Variants in ATP8A2 observed in about 807,000 individuals in gnomAD.
ATP8A2 encodes the protein ATPase phospholipid transporting 8A2, also known as phospholipid-transporting ATPase IB.
ATP8A2 carries 100 observed loss-of-function variants against 165.6 expected under a neutral mutation model. That is an observed-to-expected ratio of 0.60 (90% confidence interval 0.51 to 0.71). The LOEUF (loss-of-function observed/expected upper bound fraction) is 0.71, where lower values mean the gene tolerates loss of function less well. ATP8A2 is among the 30% of genes least tolerant of loss of function. ATP8A2 has a pLI of 0.00. For synonymous variants in ATP8A2, 543 were observed against 548.8 expected (o/e 0.99, Z 0.15); for missense variants, 1,227 against 1,479.5 (o/e 0.83, Z 2.80).
chr13:25,605,099 A>C (rs1480359308), intron 24 of ATP8A2, among the ~76,000 whole-genome samples: 1 of 152,230 alleles, frequency 6.6e-6, no homozygotes, highest in African/African-American at 2.4e-5. Context: ...CTTTGTTGTG[A>C]CAATGGAGTC....
intron 36 of ATP8A2, among the ~76,000 whole-genome samples, chr13:26,013,144 C>A (rs373638430): frequency 1.3e-5 from 2 of 151,256 alleles, no homozygotes; most frequent in South Asian, 4.2e-4. Flanking sequence ...GACTTTGGAG[C>A]TCAGGGGGAG....
intron 33 of ATP8A2, among the ~76,000 whole-genome samples, chr13:25,912,565 G>A (rs770588709): frequency 2.0e-5 from 3 of 152,192 alleles, no homozygotes; most frequent in African/African-American, 4.8e-5. Context: ...AAAAAGATGC[G>A]TATTTGATGT....
intron 35 of ATP8A2, among the ~76,000 whole-genome samples, chr13:25,985,833 A>G (rs896808484): frequency 6.6e-6 from 1 of 152,196 alleles, no homozygotes; most frequent in Admixed American, 6.5e-5. Flanking sequence ...GTTGGTTTAG[A>G]CTTGGATTAC....
intron 27 of ATP8A2, among the ~76,000 whole-genome samples, chr13:25,787,379 G>A (rs557726902): frequency 2.0e-5 from 3 of 152,274 alleles, no homozygotes; most frequent in South Asian, 2.1e-4. Context: ...CATCCATGTC[G>A]TTGGATCAGT....
In ATP8A2 at chr13:25,905,595, C is replaced by T. The variant is rs371095349; in HGVS notation, c.3183+43187C>T. Among the ~76,000 whole-genome samples, 486 of 152,314 alleles carry T rather than the reference C, an allele frequency of 3.2e-3. 5 individuals are homozygous for T. The highest frequency in any genetic ancestry group is 0.011 in the African/African-American group (464 of 41,568). ...CGTGTTGAGTTTCTGTTCACACCTC[C>T]GGCCCCTCTCCATGCCCTCTGCAGG... On this transcript the variant is annotated intron_variant, in intron 33 of 36. Transcript: ENST00000381655.
intron 24 of ATP8A2, among the ~76,000 whole-genome samples, chr13:25,590,489 A>G (rs1221011896): frequency 9.2e-5 from 14 of 152,194 alleles, no homozygotes; most frequent in African/African-American, 3.4e-4. Context: ...TGATGTCCCA[A>G]TGCTGCCGCA....
intron 1 of ATP8A2, among the ~76,000 whole-genome samples, chr13:25,394,848 C>T (rs1415058929): frequency 3.3e-5 from 5 of 152,170 alleles, no homozygotes; most frequent in African/African-American, 1.2e-4. Context: ...GTCTTATCAG[C>T]CCAGAGCAGT....
chr13:25,664,085 T>C (rs1449291512), intron 24 of ATP8A2, among the ~76,000 whole-genome samples: 2 of 152,082 alleles, frequency 1.3e-5, no homozygotes, highest in African/African-American at 2.4e-5. Context: ...GGCAGGCGCC[T>C]GTAATCCCAG....
At chr13:25,646,648 C>A (rs1180886915) in intron 24 of ATP8A2, among the ~76,000 whole-genome samples, 1 of 61,448 alleles carries the variant, frequency 1.6e-5, no homozygotes, top group Non-Finnish European at 2.9e-5. Flanking sequence ...GAGTGAGACT[C>A]CATCTCAAAA....
At chr13:25,824,350 T>G (rs1175170454) in intron 27 of ATP8A2, among the ~76,000 whole-genome samples, 1 of 152,216 alleles carries the variant, frequency 6.6e-6, no homozygotes, top group African/African-American at 2.4e-5. Flanking sequence ...TTTGTCTCTT[T>G]CTTTGCTATA....
At chr13:25,464,211 T>C (rs1352426354) in intron 1 of ATP8A2, among the ~76,000 whole-genome samples, 1 of 152,184 alleles carries the variant, frequency 6.6e-6, no homozygotes, top group East Asian at 1.9e-4. Flanking sequence ...CACCTGGTGG[T>C]GATCTACAGG....
At chr13:25,628,521 T>A (rs562927002) in intron 24 of ATP8A2, among the ~76,000 whole-genome samples, 2 of 152,316 alleles carry the variant, frequency 1.3e-5, no homozygotes, top group African/African-American at 4.8e-5. Flanking sequence ...AGGACAACAC[T>A]GCCTGTATTA....
At chr13:25,719,337 C>T (rs1308792889) in intron 25 of ATP8A2, among the ~76,000 whole-genome samples, 1 of 152,140 alleles carries the variant, frequency 6.6e-6, no homozygotes, top group Non-Finnish European at 1.5e-5. Context: ...AAGGATGCTA[C>T]TGTCTTGCTG....
intron 24 of ATP8A2, among the ~76,000 whole-genome samples, chr13:25,618,422 G>A (rs1160648226): frequency 6.6e-6 from 1 of 151,972 alleles, no homozygotes; most frequent in Non-Finnish European, 1.5e-5. Flanking sequence ...TTGCCATGAG[G>A]AAAGATTTGT....
intron 27 of ATP8A2, among the ~76,000 whole-genome samples, chr13:25,776,125 C>T (rs1370730920): frequency 2.0e-5 from 3 of 152,208 alleles, no homozygotes; most frequent in African/African-American, 7.2e-5. Context: ...TTCAGCTGCC[C>T]GGAGCCCAAC....
At chr13:25,982,389 A>G (rs1014455746) in intron 35 of ATP8A2, among the ~76,000 whole-genome samples, 3 of 152,206 alleles carry the variant, frequency 2.0e-5, no homozygotes, top group African/African-American at 7.2e-5. Flanking sequence ...ACACGAAAGC[A>G]CTCAAAAGCA....
At chr13:25,819,522 C>T (rs910949989) in intron 27 of ATP8A2, among the ~76,000 whole-genome samples, 3 of 151,916 alleles carry the variant, frequency 2.0e-5, no homozygotes, top group African/African-American at 7.3e-5. Flanking sequence ...TTGCCTTTTC[C>T]TTTGTCAATC....
intron 24 of ATP8A2, among the ~76,000 whole-genome samples, chr13:25,602,943 G>C (rs2040425714): frequency 1.3e-5 from 2 of 152,062 alleles, no homozygotes; most frequent in South Asian, 4.2e-4. Context: ...ATGGGGGGGT[G>C]TGCCTGTAGT....
chr13:25,524,783 T>C (rs1213122206), intron 2 of ATP8A2, among the ~76,000 whole-genome samples: 1 of 152,084 alleles, frequency 6.6e-6, no homozygotes, highest in East Asian at 1.9e-4. Flanking sequence ...CAGCTATATA[T>C]ATCTTTTAAT....
Sources: gnomAD v4.1 joint callset for allele counts (sites outside exome capture counted in the v4.1 genomes callset) on GRCh38, gnomAD v4.1.1 for gene constraint, MANE v1.5 for transcripts, NCBI Gene and HGNC (gene_info 2026-07-23, HGNC 2026-07-21) for gene names.